Variants in CEP192 observed in about 807,000 individuals in gnomAD.
The protein encoded by CEP192 is centrosomal protein of 192 kDa.
A neutral mutation model predicts 271.8 loss-of-function variants in CEP192; 151 were observed. The ratio of observed to expected loss-of-function variants is 0.56; its 90% confidence interval spans 0.49 to 0.64. The LOEUF (loss-of-function observed/expected upper bound fraction) is 0.64. CEP192 is among the 30% of genes least tolerant of loss of function. The pLI, the probability that CEP192 is intolerant of heterozygous loss-of-function variation, is 0.00. For synonymous variants in CEP192, 995 were observed against 1,076.5 expected, an observed-to-expected ratio of 0.92 and a Z score of 1.48; for missense variants, 2,910 against 3,020.5, an observed-to-expected ratio of 0.96 and a Z score of 0.86.
intron 18 of CEP192, 69 bp downstream of exon 18, chr18:13,053,159 T>G: frequency 7.7e-7 from 1 of 1,306,582 alleles, no homozygotes; most frequent in South Asian, 1.5e-5. Flanking sequence ...GATGTTTGAT[T>G]CAGACTACAG....
At chr18:13,090,453 T>A (rs1384416964) in intron 33 of CEP192, among the ~76,000 whole-genome samples, 2 of 152,234 alleles carry the variant, frequency 1.3e-5, no homozygotes, top group Non-Finnish European at 2.9e-5. Flanking sequence ...GTTTTGGTGG[T>A]AAATTTCACG....
intron 9 of CEP192, among the ~76,000 whole-genome samples, chr18:13,020,338 C>T (rs1219220719): frequency 2.6e-5 from 4 of 152,122 alleles, no homozygotes; most frequent in African/African-American, 9.7e-5. Context: ...CAATATTTGG[C>T]CTTCTGTGTC....
intron 36 of CEP192, 85 bp from the exon 37 acceptor site, chr18:13,099,391 G>A: frequency 1.5e-6 from 1 of 679,694 alleles, no homozygotes; most frequent in East Asian, 2.8e-5. Context: ...ATGGCCATTG[G>A]CTGGTAGACA....
chr18:13,113,294 T>C lies in CEP192; in HGVS notation c.7048-292T>C, dbSNP rs148145216. ...TTGGACCTTCCTCGTGTAGGTGTTG[T>C]GCTTCACAGCTTTAGTGCTTTCTGA... is the stretch of plus-strand genomic sequence containing the variant. On this transcript the variant is annotated intron_variant, in intron 40 of 44. Coordinates refer to ENST00000506447, the MANE Select transcript of CEP192 (RefSeq NM_032142.4). Among the ~76,000 whole-genome samples the C allele has an allele frequency of 1.9e-3, 288 of 152,334 alleles. 2 individuals carry two copies. Among genetic ancestry groups the C allele is most frequent in the African/African-American group, 6.4e-3 (265 of 41,580 alleles).
At position 13,009,535 on chromosome 18, in the gene CEP192, T is replaced by C. The variant is rs557299788; in HGVS notation, c.466+904T>C. Among the ~76,000 whole-genome samples, 8 of 152,332 alleles carry C rather than the reference T, an allele frequency of 5.3e-5. No individual in the cohort carries two copies. In the South Asian group the frequency reaches 1.4e-3, roughly 28 times the overall value. ...TGGAAATACTCAAGGATAAGTCATTTGATAAATTGCCCTCGGGCCAGGCAT... is the reference window on the plus strand; with the variant it reads ...TGGAAATACTCAAGGATAAGTCATTCGATAAATTGCCCTCGGGCCAGGCAT... On this transcript the variant is annotated intron_variant, in intron 4 of 44. Transcript: ENST00000506447.
chr18:13,116,113 C>A (rs1206100519), intron 42 of CEP192, among the ~76,000 whole-genome samples: 1 of 152,168 alleles, frequency 6.6e-6, no homozygotes, highest in African/African-American at 2.4e-5. Context: ...AGGTAAAGGG[C>A]CACCTTCATA....
intron 1 of CEP192, among the ~76,000 whole-genome samples, chr18:12,998,120 G>A (rs1472842358): frequency 6.6e-6 from 1 of 152,092 alleles, no homozygotes; most frequent in Non-Finnish European, 1.5e-5. Flanking sequence ...AATCCAATTT[G>A]TCATTGATCC....
chr18:13,110,431 A>ATT (rs58685532), intron 40 of CEP192, among the ~76,000 whole-genome samples: 3 of 146,262 alleles, frequency 2.1e-5, no homozygotes, highest in African/African-American at 5.0e-5. Context: ...TAATCAATTG[A>ATT]TTTTTTTTTT....
intron 40 of CEP192, among the ~76,000 whole-genome samples, chr18:13,111,055 A>T (rs978606151): frequency 2.0e-5 from 3 of 152,094 alleles, no homozygotes; most frequent in Non-Finnish European, 1.5e-5. Flanking sequence ...TCATAGACAC[A>T]CCCAGAAACA....
At chr18:13,023,609 A>G (rs1012465663) in intron 9 of CEP192, among the ~76,000 whole-genome samples, 2 of 151,420 alleles carry the variant, frequency 1.3e-5, no homozygotes, top group African/African-American at 4.9e-5. Context: ...AATTCTTTTT[A>G]TATAATATTT....
chr18:13,086,365 G>T (rs146261691), intron 30 of CEP192, among the ~76,000 whole-genome samples: 2 of 152,250 alleles, frequency 1.3e-5, no homozygotes, highest in African/African-American at 4.8e-5. Context: ...ATTTGAAGAC[G>T]CTTTATTTCT....
intron 13 of CEP192, among the ~76,000 whole-genome samples, chr18:13,039,651 C>T (rs1309451996): frequency 6.6e-6 from 1 of 151,962 alleles, no homozygotes; most frequent in Non-Finnish European, 1.5e-5. Flanking sequence ...GCAGATGATT[C>T]CAGGGGCCAA....
rs1368267482 is a variant in CEP192, at chr18:13,114,119, T to C, written c.7168-11T>C. 6.2e-7 allele frequency: 1 copy of C among 1,609,308 alleles called. No homozygotes were observed. Among genetic ancestry groups the C allele is most frequent in the Non-Finnish European group, 8.5e-7 (1 of 1,178,904 alleles). On this transcript the variant is annotated splice_polypyrimidine_tract_variant and intron_variant, in intron 41 of 44. Coordinates refer to ENST00000506447, the MANE Select transcript of CEP192 (RefSeq NM_032142.4). Reference sequence around the variant, plus strand: ...ATTTCTTCTCCGTTACCCTGTGATTTTTCTGTATAGAGCATCGAAGCAGAA... The same window carrying C: ...ATTTCTTCTCCGTTACCCTGTGATTCTTCTGTATAGAGCATCGAAGCAGAA...
At chr18:13,108,771 A>T (rs1336186687) in intron 40 of CEP192, among the ~76,000 whole-genome samples, 1 of 152,198 alleles carries the variant, frequency 6.6e-6, no homozygotes, top group Non-Finnish European at 1.5e-5. Context: ...CCTACTTGGG[A>T]GGCTGAGGTG....
rs372047262 is a variant in CEP192 at position 12,999,918 on chromosome 18, C to T, written c.164+330C>T. ...AGTAATGTAAAACAAGTTGTGTTAGCGAAGTTCAAAGGCAAATTAATCATA... is the reference window on the plus strand; with the variant it reads ...AGTAATGTAAAACAAGTTGTGTTAGTGAAGTTCAAAGGCAAATTAATCATA... On this transcript the variant is annotated intron_variant, in intron 2 of 44. Transcript: ENST00000506447. 4.2e-4 allele frequency among the ~76,000 whole-genome samples: 63 copies of T among 148,324 alleles called. 2 individuals are homozygous for T. Among genetic ancestry groups the T allele is most frequent in the African/African-American group, 1.4e-3 (58 of 40,322 alleles).
Position 13,049,230 on chromosome 18 carries a change from G to A in CEP192, c.2439G>A (p.Leu813=). ...ASMSDTWDLS[L]PKEQTTQDIH... ...TGTCTGATACTTGGGATTTATCTTT[G>A]CCCAAAGAACAAACTACTCAAGACA... The change falls in exon 16 of 45, where the codon TTG becomes TTA. Residue 813 remains leucine, a synonymous_variant. Transcript: ENST00000506447. 2 of 1,614,040 alleles carry A rather than the reference G, an allele frequency of 1.2e-6. No homozygotes were observed. Among genetic ancestry groups the A allele is most frequent in the African/African-American group, 1.3e-5 (1 of 75,038 alleles).
intron 5 of CEP192, 36 bp from the exon 6 acceptor site, chr18:13,015,292 A>G (rs8093334): frequency 0.044 from 67,317 of 1,543,352 alleles, 1,633 homozygotes; most frequent in Middle Eastern, 0.073. Flanking sequence ...AGAGCCCTGA[A>G]TGTGCTTCTC....
chr18:12,996,438 A>C (rs2145752534), intron 1 of CEP192, among the ~76,000 whole-genome samples: 1 of 152,266 alleles, frequency 6.6e-6, no homozygotes, highest in African/African-American at 2.4e-5. Context: ...TCAAGATTCA[A>C]ATGTAGGTGC....
intron 1 of CEP192, among the ~76,000 whole-genome samples, chr18:12,998,900 C>T (rs1234872802): frequency 6.6e-6 from 1 of 152,144 alleles, no homozygotes; most frequent in African/African-American, 2.4e-5. Flanking sequence ...TTACCTTGTC[C>T]ATGTGCCAAC....
Sources: allele counts gnomAD v4.1 joint callset (sites outside exome capture counted in the v4.1 genomes callset), GRCh38; gene constraint gnomAD v4.1.1; transcripts MANE v1.5; gene names NCBI Gene and HGNC (gene_info 2026-07-23, HGNC 2026-07-21).